RSPH14: variants seen among roughly 807,000 people sequenced by gnomAD.
RSPH14 encodes the protein radial spoke head 14 homolog.
A neutral mutation model predicts 26.7 loss-of-function variants in RSPH14; 20 were observed. The ratio of observed to expected loss-of-function variants is 0.75; its 90% CI spans 0.53 to 1.09. The LOEUF (loss-of-function observed/expected upper bound fraction) is 1.09, where lower values mean the gene tolerates loss of function less well. RSPH14 is among the 50% of genes least tolerant of loss of function. The pLI is 0.00. For missense variants in RSPH14, 449 were observed against 457.2 expected, an observed-to-expected ratio of 0.98 and a Z score of 0.16; for synonymous variants, 177 against 189.3, an observed-to-expected ratio of 0.93 and a Z score of 0.53.
In RSPH14 at chr22:23,131,499, T is replaced by C. The variant is rs1317411859; in HGVS notation, c.421+2527A>G. ...GCAAGTATAAAATATGGATATAGAA[T>C]GTAAAGATTTGGCAAAGCTGGCTGG... On this transcript the variant is annotated intron_variant, in intron 4 of 6. Transcript: ENST00000216036. The C allele has an allele frequency of 6.5e-6, 4 of 618,542 alleles. No individual in the cohort carries two copies. The African/African-American group carries it at 7.7e-5, about 12-fold the overall frequency. 38.3% of individuals were successfully genotyped at this position (618,542 alleles called of 1,614,324 possible).
chr22:23,069,196 T>C (rs1281197103), intron 4 of RSPH14, among the ~76,000 whole-genome samples: 1 of 152,172 alleles, frequency 6.6e-6, no homozygotes, highest in East Asian at 1.9e-4. Context: ...AGAGCTATGA[T>C]GGAGAGACCG....
chr22:23,119,516 T>C (rs1730189386), intron 4 of RSPH14, among the ~76,000 whole-genome samples: 1 of 152,216 alleles, frequency 6.6e-6, no homozygotes, highest in Admixed American at 6.5e-5. Flanking sequence ...CACTTGCTGG[T>C]CCATCAGCAC....
chr22:23,149,187 G>A (rs1293975673), upstream of RSPH14, among the ~76,000 whole-genome samples: 2 of 118,054 alleles, frequency 1.7e-5, no homozygotes, highest in East Asian at 5.9e-4. Context: ...GGTGGCTGTG[G>A]CTGTGCAGGG....
At chr22:23,114,917 A>G in intron 4 of RSPH14, among the ~76,000 whole-genome samples, 1 of 152,168 alleles carries the variant, frequency 6.6e-6, no homozygotes, top group East Asian at 1.9e-4. Flanking sequence ...GGAAAGGGAG[A>G]GGGCAGTGGG....
upstream of RSPH14, among the ~76,000 whole-genome samples, chr22:23,144,592 C>T (rs1443208540): frequency 1.3e-5 from 2 of 152,158 alleles, no homozygotes; most frequent in East Asian, 3.9e-4. Context: ...GTGGCCCTTG[C>T]CTGTAGTCCC....
chr22:23,060,247 G>GCA (rs1243437560), intron 6 of RSPH14, among the ~76,000 whole-genome samples: 6 of 152,102 alleles, frequency 3.9e-5, no homozygotes, highest in Non-Finnish European at 8.8e-5. Flanking sequence ...CGAGGCTGGT[G>GCA]GATCACGAGG....
chr22:23,086,138 T>C lies in RSPH14; in HGVS notation c.422-22005A>G, dbSNP rs142384174. Among the ~76,000 whole-genome samples, 230 of 152,356 alleles carry C rather than the reference T, an allele frequency of 1.5e-3. 4 individuals carry two copies. Among genetic ancestry groups the C allele is most frequent in the Non-Finnish European group, 2.7e-3 (185 of 68,026 alleles). On this transcript the variant is annotated intron_variant, in intron 4 of 6. Transcript: ENST00000216036. ...GACTATGAAGTCATTATGAAGTACA[T>C]TTTTTAAGTAAAAAAGGCAGTCAAT... is the stretch of plus-strand genomic sequence containing the variant.
chr22:23,173,111 T>G, the RSPH14 span, among the ~76,000 whole-genome samples: 1 of 152,160 alleles, frequency 6.6e-6, no homozygotes, highest in African/African-American at 2.4e-5. Context: ...ATTGTCTGGA[T>G]GTACCACAGT....
At chr22:23,126,569 C>T (rs964761428) in intron 4 of RSPH14, among the ~76,000 whole-genome samples, 1 of 152,238 alleles carries the variant, frequency 6.6e-6, no homozygotes, top group Non-Finnish European at 1.5e-5. Flanking sequence ...AGCTCAAGGC[C>T]AGCGCCTCTG....
At chr22:23,173,527 A>G in the RSPH14 span, among the ~76,000 whole-genome samples, 2 of 149,492 alleles carry the variant, frequency 1.3e-5, no homozygotes, top group Admixed American at 1.3e-4. Context: ...TAAAACTTCA[A>G]CCTCCCTGGC....
intron 4 of RSPH14, among the ~76,000 whole-genome samples, chr22:23,087,663 G>A (rs2068855731): frequency 6.6e-6 from 1 of 152,190 alleles, no homozygotes; most frequent in Non-Finnish European, 1.5e-5. Context: ...GGTGGATGGG[G>A]GGTAGCCAGT....
intron 4 of RSPH14, among the ~76,000 whole-genome samples, chr22:23,088,931 G>A (rs1305623132): frequency 6.6e-6 from 1 of 152,236 alleles, no homozygotes; most frequent in African/African-American, 2.4e-5. Flanking sequence ...ATGACTGCCT[G>A]TGCCTCTCCC....
chr22:23,085,358 C>G (rs1297695126), intron 4 of RSPH14, among the ~76,000 whole-genome samples: 1 of 152,176 alleles, frequency 6.6e-6, no homozygotes, highest in Non-Finnish European at 1.5e-5. Flanking sequence ...CACCATGTCC[C>G]CCTGTCCCCA....
chr22:23,161,084 G>A, the RSPH14 span: 1 of 1,460,898 alleles, frequency 6.8e-7, no homozygotes. Context: ...CTGAGGCCTT[G>A]CCATTTCCTG....
intron 4 of RSPH14, among the ~76,000 whole-genome samples, chr22:23,097,905 C>T (rs1292567801): frequency 6.6e-6 from 1 of 152,254 alleles, no homozygotes; most frequent in Admixed American, 6.5e-5. Context: ...TGGCAAATTC[C>T]CCGGGCACCA....
At chr22:23,067,185 G>A (rs1448325018) in intron 4 of RSPH14, among the ~76,000 whole-genome samples, 5 of 152,216 alleles carry the variant, frequency 3.3e-5, no homozygotes, top group Admixed American at 2.6e-4. Flanking sequence ...TGTCCATGGT[G>A]TGGAGCCCCA....
the RSPH14 span, among the ~76,000 whole-genome samples, chr22:23,171,250 G>A: frequency 1.3e-5 from 2 of 152,148 alleles, no homozygotes; most frequent in African/African-American, 4.8e-5. Flanking sequence ...ACAGGCGTGA[G>A]CCACTGAGCC....
chr22:23,124,503 T>C (rs1399572774), intron 4 of RSPH14: 1 of 361,334 alleles, frequency 2.8e-6, no homozygotes, highest in Non-Finnish European at 5.9e-6. Context: ...GTTTTCTGCT[T>C]TGTTTTTATT....
the RSPH14 span, among the ~76,000 whole-genome samples, chr22:23,159,545 C>G: frequency 6.6e-6 from 1 of 152,216 alleles, no homozygotes; most frequent in Non-Finnish European, 1.5e-5. Flanking sequence ...ACCGGAGAAC[C>G]CCATAACTAC....
Sources: allele counts gnomAD v4.1 joint callset (sites outside exome capture counted in the v4.1 genomes callset), GRCh38; gene constraint gnomAD v4.1.1; transcripts MANE v1.5; gene names NCBI Gene and HGNC (gene_info 2026-07-23, HGNC 2026-07-21).